The following FOXP2 variants were observed in gnomAD, a reference collection of about 807,000 sequenced individuals.
FOXP2 encodes the protein forkhead box P2.
FOXP2 carries 12 observed loss-of-function variants against 115.8 expected under a neutral mutation model. The ratio of observed to expected loss-of-function variants is 0.10; its 90% confidence interval spans 0.07 to 0.17. The LOEUF (loss-of-function observed/expected upper bound fraction) is 0.17, where lower values mean the gene tolerates loss of function less well. Ranked by LOEUF, FOXP2 falls within the 10% of genes least tolerant of loss-of-function variation. The pLI is 1.00. For missense variants in FOXP2, 629 were observed against 843.5 expected, an observed-to-expected ratio of 0.75 and a Z score of 3.15; for synonymous variants, 328 against 297.7, an observed-to-expected ratio of 1.10 and a Z score of -1.05.
chr7:114,598,122 C>A (rs1262356161), intron 3 of FOXP2, among the ~76,000 whole-genome samples: 1 of 151,716 alleles, frequency 6.6e-6, no homozygotes, highest in Non-Finnish European at 1.5e-5. Flanking sequence ...TTTTTGTATT[C>A]TGCTTAATTG....
chr7:114,385,202 C>T (rs1242931482), intron 2 of FOXP2, among the ~76,000 whole-genome samples: 1 of 151,976 alleles, frequency 6.6e-6, no homozygotes, highest in Non-Finnish European at 1.5e-5. Flanking sequence ...TGGGTTATAG[C>T]CTAGGTGCCT....
intron 2 of FOXP2, among the ~76,000 whole-genome samples, chr7:114,500,445 A>C (rs967456343): frequency 5.3e-5 from 8 of 152,032 alleles, no homozygotes; most frequent in African/African-American, 1.9e-4. Context: ...TTACTTTTAA[A>C]ATATTATGTA....
intron 3 of FOXP2, among the ~76,000 whole-genome samples, chr7:114,559,709 C>T (rs567546224): frequency 1.8e-3 from 270 of 152,026 alleles, no homozygotes; most frequent in Non-Finnish European, 3.5e-3. Flanking sequence ...GGTGAAACCC[C>T]GTCTCTACTA....
chr7:114,289,386 A>G (rs543316861), intron 2 of FOXP2, among the ~76,000 whole-genome samples: 4 of 152,014 alleles, frequency 2.6e-5, no homozygotes, highest in African/African-American at 9.6e-5. Context: ...CTAGTAATAA[A>G]CAATTAGAGA....
Position 114,628,417 on chromosome 7 carries a change from C to T in FOXP2, c.259-123C>T, listed in dbSNP as rs562430227. 2.9e-4 allele frequency: 379 copies of T among 1,295,724 alleles called. 1 individual carries two copies. Among genetic ancestry groups the T allele is most frequent in the Middle Eastern group, 1.1e-3 (6 of 5,424 alleles). The allele number at this position is 1,295,724 out of a possible 1,614,324, so 80.3% of individuals were successfully genotyped here. ...GTAAAGAAGTTATAGTAAAATGTGA[C>T]GTAAAAATTATTGATCATCAATGCT... On this transcript the variant is annotated intron_variant, in intron 3 of 16. Coordinates refer to ENST00000350908, the MANE Select transcript of FOXP2 (RefSeq NM_014491.4).
At chr7:114,095,402 A>T (rs1370804181) in intron 1 of FOXP2, among the ~76,000 whole-genome samples, 1 of 152,180 alleles carries the variant, frequency 6.6e-6, no homozygotes, top group African/African-American at 2.4e-5. Flanking sequence ...AAGAAAAATG[A>T]CCACAGTCAC....
rs1796736692 is a variant in FOXP2, at chr7:114,485,538, A to G, written c.169-49079A>G. 2.0e-5 allele frequency among the ~76,000 whole-genome samples: 3 copies of G among 152,142 alleles called. No homozygotes were observed. The South Asian group carries it at 6.2e-4, about 32-fold the overall frequency. ...GTGAGGTATTTCAGGGTAAATGTTT[A>G]AATCTGTACATTTAGGTATCCTTGA... On this transcript the variant is annotated intron_variant, in intron 2 of 16. Transcript: ENST00000350908.
At chr7:114,444,150 T>C (rs1794729032) in intron 2 of FOXP2, among the ~76,000 whole-genome samples, 1 of 152,174 alleles carries the variant, frequency 6.6e-6, no homozygotes, top group Non-Finnish European at 1.5e-5. Context: ...AGTGTCACTA[T>C]AAATGCAAGT....
intron 1 of FOXP2, among the ~76,000 whole-genome samples, chr7:114,095,839 C>G (rs1251347420): frequency 1.3e-5 from 2 of 152,126 alleles, no homozygotes; most frequent in Admixed American, 6.6e-5. Context: ...CATACATTAT[C>G]CAGTCTATGC....
intron 1 of FOXP2, among the ~76,000 whole-genome samples, chr7:114,146,015 A>C (rs535241161): frequency 1.3e-5 from 2 of 152,148 alleles, no homozygotes; most frequent in Non-Finnish European, 2.9e-5. Flanking sequence ...GACACTGGGT[A>C]CTTTCTGTAG....
intron 1 of FOXP2, among the ~76,000 whole-genome samples, chr7:114,237,237 T>A (rs988860004): frequency 2.0e-5 from 3 of 152,230 alleles, no homozygotes; most frequent in Admixed American, 2.0e-4. Flanking sequence ...TATTATCTTC[T>A]ACCAAGTTCA....
At chr7:114,265,083 C>T (rs188448780) in intron 1 of FOXP2, among the ~76,000 whole-genome samples, 1 of 152,276 alleles carries the variant, frequency 6.6e-6, no homozygotes, top group East Asian at 1.9e-4. Context: ...GTCCTTCTTA[C>T]ATTGTAAAAT....
intron 1 of FOXP2, among the ~76,000 whole-genome samples, chr7:114,421,361 G>C (rs964616623): frequency 2.8e-4 from 43 of 151,512 alleles, no homozygotes; most frequent in African/African-American, 9.9e-4. Context: ...ATGTTTCCTA[G>C]ATTTTGTTAT....
intron 1 of FOXP2, among the ~76,000 whole-genome samples, chr7:114,417,787 A>G (rs1256379382): frequency 6.6e-6 from 1 of 151,968 alleles, no homozygotes; most frequent in Non-Finnish European, 1.5e-5. Flanking sequence ...TATACGAACT[A>G]TGAAACCTTT....
rs1554426487 is a variant in FOXP2, at chr7:114,176,298, TTCTC to T, written c.-102+13230_-102+13233del. Among the ~76,000 whole-genome samples, 112 of 76,578 alleles carry T rather than the reference TTCTC, an allele frequency of 1.5e-3. 1 individual carries two copies. The highest frequency in any genetic ancestry group is 4.6e-3 in the South Asian group (10 of 2,154). The allele number at this position is 76,578 out of a possible 152,430, so 50.2% of individuals were successfully genotyped here. A position where few individuals can be genotyped will look rare whatever the true frequency, so the allele number is the denominator to read the frequency against. On this transcript the variant is annotated intron_variant, in intron 1 of 17. Coordinates refer to the FOXP2 transcript ENST00000634411. ...TTTCTTTCTTTCTTTCTTTCTTTCT[TTCTC>T]TCTCTCTCTCTCTCTCTCTTTCTTT... is the stretch of plus-strand genomic sequence containing the variant.
chr7:114,258,443 T>A (rs1042382069), intron 1 of FOXP2, among the ~76,000 whole-genome samples: 2 of 152,152 alleles, frequency 1.3e-5, no homozygotes, highest in African/African-American at 2.4e-5. Context: ...TTGAAAAGCA[T>A]AGGATTAGAG....
intron 1 of FOXP2, among the ~76,000 whole-genome samples, chr7:114,245,373 G>T (rs1056196694): frequency 6.6e-5 from 10 of 152,190 alleles, no homozygotes; most frequent in African/African-American, 2.4e-4. Context: ...AAACACTTCA[G>T]CAGTTTTTTT....
chr7:114,327,901 A>G (rs917376457), intron 2 of FOXP2, among the ~76,000 whole-genome samples: 8 of 144,518 alleles, frequency 5.5e-5, no homozygotes, highest in African/African-American at 2.0e-4. Flanking sequence ...ATTTTTATTT[A>G]CTTATTTTTT....
chr7:114,236,889 A>G (rs1407096853), intron 1 of FOXP2, among the ~76,000 whole-genome samples: 1 of 152,150 alleles, frequency 6.6e-6, no homozygotes, highest in Non-Finnish European at 1.5e-5. Context: ...AGGCAGGAGA[A>G]TTGCTTGAAC....
Sources: allele counts gnomAD v4.1 joint callset (sites outside exome capture counted in the v4.1 genomes callset), GRCh38; gene constraint gnomAD v4.1.1; transcripts MANE v1.5; gene names NCBI Gene and HGNC (gene_info 2026-07-23, HGNC 2026-07-21).